Variants in HECTD2 observed in about 807,000 individuals in gnomAD.
HECTD2 encodes the protein HECT domain E3 ubiquitin protein ligase 2, also known as probable E3 ubiquitin-protein ligase HECTD2.
In HECTD2, 35 loss-of-function variants were observed where a neutral mutation model predicts 103.2. The observed-to-expected ratio is 0.34, with a 90% CI of 0.26 to 0.45. The LOEUF (loss-of-function observed/expected upper bound fraction) is 0.45, where lower values mean the gene tolerates loss of function less well. Ranked by LOEUF, HECTD2 falls within the 20% of genes least tolerant of loss-of-function variation. HECTD2 has a pLI of 1.00. For synonymous variants in HECTD2, 281 were observed against 329.9 expected (o/e 0.85, Z 1.61); for missense variants, 596 against 937.4 (o/e 0.64, Z 4.76).
At chr10:91,409,520 A>T (rs1315796004), upstream of HECTD2, 1 of 152,796 alleles carries the variant, frequency 6.5e-6, no homozygotes, top group Non-Finnish European at 1.5e-5. Context: ...GCGCGTGGGG[A>T]CGGGAAGGGA....
Position 91,513,371 on chromosome 10 carries a change from A to AAAG in HECTD2, c.*988_*990dup, listed in dbSNP as rs1224037574. 6.6e-6 allele frequency: 1 copy of AAAG among 152,666 alleles called. No individual in the cohort carries two copies. The highest frequency in any genetic ancestry group is 1.5e-5 in the Non-Finnish European group (1 of 68,032). 9.5% of individuals were successfully genotyped at this position (152,666 alleles called of 1,614,324 possible). ...CACTAATTTTTGAAAAAGATAGGTT[A>AAAG]AAGTATTTGACAAAAGTGAATACAA... On this transcript the variant is annotated 3_prime_UTR_variant, in exon 21 of 21. Transcript: ENST00000298068.
Position 91,487,758 on chromosome 10 carries a change from C to T in HECTD2, c.1171C>T (p.Gln391Ter). The change falls in exon 11 of 21, where the codon CAG (glutamine) becomes TAG (stop). Residue 391 changes from glutamine (Q) to a stop codon, truncating the protein, a stop_gained. Coordinates refer to ENST00000298068, the MANE Select transcript of HECTD2 (RefSeq NM_182765.6). LOFTEE classifies it high-confidence loss of function. This position sits in a 1 kb window ranked among gnomAD's most constrained non-coding sequence, Gnocchi z 4.1. ...CATTATTCAGAGAGACTCAGAGCAA[C>T]AGATGATAAACATCGCAAGGGTAAG... is the stretch of plus-strand genomic sequence containing the variant. ...KIIIQRDSEQ[Q>*]MINIARQSLV... The T allele has an allele frequency of 6.2e-7, 1 of 1,606,668 alleles. No homozygotes were observed.
chr10:91,503,367 G>T (rs890345830), intron 20 of HECTD2, among the ~76,000 whole-genome samples: 1 of 152,178 alleles, frequency 6.6e-6, no homozygotes, highest in Non-Finnish European at 1.5e-5. Flanking sequence ...CTGAGGTACC[G>T]GGTTCATCTC....
intron 12 of HECTD2, 36 bp downstream of exon 12, chr10:91,491,343 TAAAATTCTATAATATGATTATTATA>T (rs750183468): frequency 2.2e-6 from 2 of 915,592 alleles, no homozygotes; most frequent in African/African-American, 1.8e-5. Flanking sequence ...AATTAAAGCT[TAAAATTCTATAATATGATTATTATA>T]AAAATCATAG....
At chr10:91,467,942 GCCC>G (rs774016398) in intron 5 of HECTD2, among the ~76,000 whole-genome samples, 1 of 151,380 alleles carries the variant, frequency 6.6e-6, no homozygotes, top group Admixed American at 6.6e-5. Flanking sequence ...CAGCATTCCT[GCCC>G]CCCACCAGCA....
At chr10:91,417,827 C>T (rs1356831816) in intron 1 of HECTD2, among the ~76,000 whole-genome samples, 3 of 152,172 alleles carry the variant, frequency 2.0e-5, no homozygotes, top group East Asian at 1.9e-4. Flanking sequence ...AATAAACATA[C>T]GTGTGCATGT....
At chr10:91,500,835 T>C (rs990266354) in intron 19 of HECTD2, among the ~76,000 whole-genome samples, 1 of 152,126 alleles carries the variant, frequency 6.6e-6, no homozygotes, top group African/African-American at 2.4e-5. Flanking sequence ...TCTACAAAAG[T>C]GTAGAGATTT....
chr10:91,490,918 A>AAAG (rs1257586668), intron 11 of HECTD2, among the ~76,000 whole-genome samples: 1 of 150,464 alleles, frequency 6.6e-6, no homozygotes, highest in Non-Finnish European at 1.5e-5. Context: ...AAAAAAAAAA[A>AAAG]AGAGATGAGA....
At chr10:91,430,476 G>C (rs1589471266) in intron 2 of HECTD2, among the ~76,000 whole-genome samples, 1 of 152,074 alleles carries the variant, frequency 6.6e-6, no homozygotes. Context: ...GTTGACAGTG[G>C]GGTGTTAAAG....
chr10:91,453,122 A>G (rs980211905), intron 2 of HECTD2, among the ~76,000 whole-genome samples: 1 of 152,152 alleles, frequency 6.6e-6, no homozygotes, highest in Admixed American at 6.5e-5. Flanking sequence ...TTCTAAATGT[A>G]TGTAAAGGAA....
chr10:91,440,347 G>C (rs1003458425), intron 2 of HECTD2, among the ~76,000 whole-genome samples: 5 of 152,134 alleles, frequency 3.3e-5, no homozygotes, highest in Non-Finnish European at 4.4e-5. Flanking sequence ...TGTGGTTTTT[G>C]TCATCGGTTC....
chr10:91,412,455 G>GTTTTTT (rs111999349), intron 1 of HECTD2, among the ~76,000 whole-genome samples: 2 of 145,406 alleles, frequency 1.4e-5, no homozygotes, highest in African/African-American at 2.5e-5. Flanking sequence ...AAACTTGAGG[G>GTTTTTT]TTTTTTTTTT....
At chr10:91,498,013 T>G in intron 15 of HECTD2, 95 bp from the exon 16 acceptor site, 1 of 774,344 alleles carries the variant, frequency 1.3e-6, no homozygotes, top group Non-Finnish European at 2.3e-6. Flanking sequence ...AAATATGATC[T>G]TTATATACAT....
At chr10:91,452,718 C>T (rs1410048991) in intron 2 of HECTD2, among the ~76,000 whole-genome samples, 3 of 151,642 alleles carry the variant, frequency 2.0e-5, no homozygotes, top group Non-Finnish European at 4.4e-5. Flanking sequence ...CCAGATGCAG[C>T]ACCTCAAAAA....
intron 5 of HECTD2, among the ~76,000 whole-genome samples, chr10:91,472,384 A>C (rs967170220): frequency 2.0e-5 from 3 of 152,234 alleles, no homozygotes; most frequent in Non-Finnish European, 4.4e-5. Context: ...ATCATTCTGG[A>C]CATAGGCCCT....
chr10:91,444,684 T>G (rs1263194249), intron 2 of HECTD2, among the ~76,000 whole-genome samples: 1 of 152,140 alleles, frequency 6.6e-6, no homozygotes, highest in African/African-American at 2.4e-5. Flanking sequence ...AGATGATTCT[T>G]AAAATATAAT....
intron 1 of HECTD2, among the ~76,000 whole-genome samples, chr10:91,415,345 T>C (rs1274613060): frequency 2.0e-5 from 3 of 152,144 alleles, no homozygotes; most frequent in African/African-American, 7.2e-5. Flanking sequence ...ATGAATGCTA[T>C]GGTGATGATG....
intron 1 of HECTD2, among the ~76,000 whole-genome samples, chr10:91,412,455 GT>G (rs111999349): frequency 2.2e-3 from 315 of 145,342 alleles, no homozygotes; most frequent in Non-Finnish European, 3.2e-3. Context: ...AAACTTGAGG[GT>G]TTTTTTTTTT....
At chr10:91,472,562 C>T (rs1845765261) in intron 5 of HECTD2, among the ~76,000 whole-genome samples, 1 of 152,144 alleles carries the variant, frequency 6.6e-6, no homozygotes, top group Non-Finnish European at 1.5e-5. Flanking sequence ...ATGCATCCAA[C>T]AGAGGTCTAA....
Sources: allele counts gnomAD v4.1 joint callset (sites outside exome capture counted in the v4.1 genomes callset), GRCh38; gene constraint gnomAD v4.1.1; non-coding constraint Gnocchi (gnomAD v3.1); transcripts MANE v1.5; gene names NCBI Gene and HGNC (gene_info 2026-07-23, HGNC 2026-07-21).